Variants in CAPZB observed in about 807,000 individuals in gnomAD.
CAPZB encodes the protein F-actin-capping protein subunit beta.
CAPZB carries 2 observed loss-of-function variants against 38.1 expected under a neutral mutation model. That is an observed-to-expected ratio of 0.05 (90% CI 0.02 to 0.17). The LOEUF (loss-of-function observed/expected upper bound fraction) is 0.17, where lower values mean the gene tolerates loss of function less well. Among genes scored for constraint, CAPZB ranks in the 10% least tolerant of loss-of-function variants. The probability of loss-of-function intolerance (pLI) is 1.00; values close to 1 mark genes in which losing one functional copy is unlikely to be tolerated. For synonymous variants in CAPZB, 107 were observed against 127.4 expected (o/e 0.84, Z 1.08); for missense variants, 161 against 334.2 (o/e 0.48, Z 4.04).
intron 6 of CAPZB, among the ~76,000 whole-genome samples, chr1:19,345,659 C>T (rs539946722): frequency 3.3e-5 from 5 of 152,290 alleles, no homozygotes; most frequent in Non-Finnish European, 7.3e-5. Context: ...CAGGGCCTGA[C>T]ACTGCAGGGG....
At chr1:19,380,974 C>A (rs571273981) in intron 3 of CAPZB, among the ~76,000 whole-genome samples, 4 of 152,118 alleles carry the variant, frequency 2.6e-5, no homozygotes, top group African/African-American at 9.7e-5. Flanking sequence ...TTGAGACAAG[C>A]CTGGCCAACA....
intron 2 of CAPZB, among the ~76,000 whole-genome samples, chr1:19,412,275 A>T (rs903383834): frequency 1.3e-5 from 2 of 152,180 alleles, no homozygotes; most frequent in Admixed American, 6.5e-5. Flanking sequence ...CTCCAGAGAT[A>T]ACATTCGGCT....
intron 8 of CAPZB, chr1:19,342,650 T>C (rs1304588534): frequency 2.8e-6 from 2 of 723,370 alleles, no homozygotes; most frequent in East Asian, 2.6e-5. Context: ...GGGTTAGTGG[T>C]GGTTTAAATG....
At chr1:19,344,609 G>A (rs2093950789) in intron 7 of CAPZB, among the ~76,000 whole-genome samples, 175 bp from the exon 8 acceptor site, 2 of 152,168 alleles carry the variant, frequency 1.3e-5, no homozygotes, top group South Asian at 4.1e-4. Context: ...TGCCATCTGT[G>A]CTCCCGGCAC....
At chr1:19,466,870 G>A (rs895502663) in intron 1 of CAPZB, among the ~76,000 whole-genome samples, 1 of 152,134 alleles carries the variant, frequency 6.6e-6, no homozygotes, top group Non-Finnish European at 1.5e-5. Flanking sequence ...CTTACGAAGA[G>A]GCTAGATAGC....
chr1:19,484,579 C>T, intron 1 of CAPZB: 1 of 1,241,794 alleles, frequency 8.1e-7, no homozygotes, highest in East Asian at 4.6e-5. Flanking sequence ...ACTGAGAAGG[C>T]ACAGCACCGG....
chr1:19,352,692 T>A (rs1339967965), intron 6 of CAPZB, among the ~76,000 whole-genome samples: 4 of 152,258 alleles, frequency 2.6e-5, no homozygotes, highest in Non-Finnish European at 5.9e-5. Flanking sequence ...CGGCTCACCT[T>A]CACTCCGACA....
chr1:19,448,939 A>G (rs1263718437), intron 1 of CAPZB: 20 of 1,612,000 alleles, frequency 1.2e-5, no homozygotes, highest in Non-Finnish European at 1.7e-5. Flanking sequence ...GGTTAATAAC[A>G]ATCGTTTTGC....
intron 4 of CAPZB, among the ~76,000 whole-genome samples, chr1:19,377,020 G>T (rs920645956): frequency 6.6e-6 from 1 of 152,218 alleles, no homozygotes; most frequent in Non-Finnish European, 1.5e-5. Flanking sequence ...AGGCCCACTT[G>T]CATGGCCACT....
At chr1:19,481,578 C>T (rs1440517876) in intron 1 of CAPZB, among the ~76,000 whole-genome samples, 2 of 152,168 alleles carry the variant, frequency 1.3e-5, no homozygotes, top group Non-Finnish European at 2.9e-5. Context: ...AGCAGATCCT[C>T]GGGTACCCGG....
chr1:19,366,305 T>TATATATATAA (rs1396564571), intron 4 of CAPZB, among the ~76,000 whole-genome samples: 1 of 97,600 alleles, frequency 1.0e-5, no homozygotes, highest in African/African-American at 4.7e-5. Flanking sequence ...TATATATATA[T>TATATATATAA]ATATAAATAA....
chr1:19,455,360 C>A (rs560869457), intron 1 of CAPZB, among the ~76,000 whole-genome samples: 20 of 152,296 alleles, frequency 1.3e-4, no homozygotes, highest in African/African-American at 4.6e-4. Context: ...TTTCTTAACT[C>A]AAAAAATAAA....
chr1:19,442,511 T>C (rs763752564), intron 1 of CAPZB, among the ~76,000 whole-genome samples: 27 of 152,206 alleles, frequency 1.8e-4, no homozygotes, highest in Non-Finnish European at 3.1e-4. Context: ...TAAAGTTCCC[T>C]TACGGTAAGG....
Position 19,357,532 on chromosome 1 carries a change from G to A in CAPZB, c.361C>T (p.Leu121Phe). ...GCAAAGCCATGATCCAGATCCCAGA[G>A]GTAGACAGATGAGACGCCACCTTCA... ...YFEGGVSSVY[L>F]WDLDHGFAGV... Residue 121 changes from leucine to phenylalanine, a missense_variant, in exon 5 of 9, where the codon CTC (leucine) becomes TTC (phenylalanine). Coordinates refer to ENST00000264202, the MANE Select transcript of CAPZB (RefSeq NM_004930.5). This position sits in a 1 kb window ranked among gnomAD's most constrained non-coding sequence, Gnocchi z 4.3. 6 of 1,614,082 alleles carry A rather than the reference G, an allele frequency of 3.7e-6. No individual in the cohort carries two copies. Among genetic ancestry groups the A allele is most frequent in the Non-Finnish European group, 5.1e-6 (6 of 1,180,024 alleles).
intron 1 of CAPZB, among the ~76,000 whole-genome samples, chr1:19,433,814 G>A (rs907382036): frequency 1.3e-5 from 2 of 152,108 alleles, no homozygotes; most frequent in Admixed American, 6.5e-5. Flanking sequence ...GACTCAATAT[G>A]GAAGACTCTA....
intron 4 of CAPZB, among the ~76,000 whole-genome samples, chr1:19,366,621 G>A (rs1410775820): frequency 6.6e-6 from 1 of 152,058 alleles, no homozygotes; most frequent in Non-Finnish European, 1.5e-5. Context: ...CCGGGAGGCA[G>A]AGGTTATAGT....
chr1:19,454,842 C>T (rs1179725064), intron 1 of CAPZB, among the ~76,000 whole-genome samples: 4 of 152,216 alleles, frequency 2.6e-5, no homozygotes, highest in African/African-American at 7.2e-5. Context: ...AATTACTGTT[C>T]CGTTCATCTA....
chr1:19,461,659 G>A (rs1166880477), intron 1 of CAPZB, among the ~76,000 whole-genome samples: 3 of 152,214 alleles, frequency 2.0e-5, no homozygotes, highest in African/African-American at 7.2e-5. Context: ...TAAAATAAGA[G>A]TTTTAAGTGT....
At chr1:19,432,656 G>A (rs1228925113) in intron 1 of CAPZB, among the ~76,000 whole-genome samples, 2 of 152,226 alleles carry the variant, frequency 1.3e-5, no homozygotes, top group Admixed American at 6.5e-5. Flanking sequence ...ACAGCTGCAG[G>A]AGGTGGCTCT....
Sources: allele counts gnomAD v4.1 joint callset (sites outside exome capture counted in the v4.1 genomes callset), GRCh38; gene constraint gnomAD v4.1.1; non-coding constraint Gnocchi (gnomAD v3.1); transcripts MANE v1.5; gene names NCBI Gene and HGNC (gene_info 2026-07-23, HGNC 2026-07-21).